The following KDM4B variants were observed in gnomAD, a reference collection of about 807,000 sequenced individuals.
KDM4B encodes the protein lysine-specific demethylase 4B.
Under a neutral mutation model 125.2 loss-of-function variants are expected in KDM4B, and 32 were observed. The observed-to-expected ratio is 0.26, with a 90% CI of 0.19 to 0.34. KDM4B has a LOEUF of 0.34. KDM4B is among the 10% of genes least tolerant of loss of function. The pLI is 1.00. For missense variants in KDM4B, 1,190 were observed against 1,577.7 expected (o/e 0.75, Z 4.16); for synonymous variants, 721 against 677.9 (o/e 1.06, Z -0.99).
At chr19:4,986,289 G>A (rs565568490) in intron 1 of KDM4B, among the ~76,000 whole-genome samples, 245 of 152,350 alleles carry the variant, frequency 1.6e-3, no homozygotes, top group Middle Eastern at 6.8e-3. Context: ...CGTGGGACCC[G>A]AGCTCGTGAA....
chr19:5,132,070 G>T (rs538401622), intron 13 of KDM4B, 63 bp downstream of exon 13: 228 of 1,487,258 alleles, frequency 1.5e-4, no homozygotes, highest in Non-Finnish European at 1.6e-4. Flanking sequence ...TGCTGCTGGA[G>T]GGGGGGCCTG....
At chr19:5,119,546 G>A (rs2039321336) in intron 10 of KDM4B, 107 bp from the exon 11 acceptor site, 5 of 1,095,154 alleles carry the variant, frequency 4.6e-6, no homozygotes, top group East Asian at 2.6e-5. Context: ...CTCATGGAGC[G>A]CTCTTCTGGG....
At chr19:5,092,521 C>T (rs1325482485) in intron 9 of KDM4B, among the ~76,000 whole-genome samples, 6 of 152,224 alleles carry the variant, frequency 3.9e-5, no homozygotes, top group South Asian at 2.1e-4. Flanking sequence ...AGAGGAGGGT[C>T]GGGGGCTTTT....
chr19:5,109,850 G>C (rs1432682274), intron 9 of KDM4B, among the ~76,000 whole-genome samples: 1 of 152,220 alleles, frequency 6.6e-6, no homozygotes, highest in Non-Finnish European at 1.5e-5. Context: ...GCTCTTTGGG[G>C]ACTGCTGTTG....
At chr19:4,974,956 C>T (rs1210146999) in intron 1 of KDM4B, among the ~76,000 whole-genome samples, 1 of 152,076 alleles carries the variant, frequency 6.6e-6, no homozygotes, top group African/African-American at 2.4e-5. Flanking sequence ...CCTGGCACAG[C>T]CGCCTTCCCT....
At chr19:5,149,453 T>A (rs2039908926) in intron 21 of KDM4B, among the ~76,000 whole-genome samples, 1 of 152,216 alleles carries the variant, frequency 6.6e-6, no homozygotes, top group South Asian at 2.1e-4. Flanking sequence ...CACAGGCACA[T>A]GCCACCATGC....
intron 6 of KDM4B, among the ~76,000 whole-genome samples, chr19:5,064,104 C>A (rs1024083213): frequency 6.6e-6 from 1 of 152,154 alleles, no homozygotes; most frequent in Non-Finnish European, 1.5e-5. Flanking sequence ...GGCTTTGTTG[C>A]GAGGGTGGCG....
intron 10 of KDM4B, among the ~76,000 whole-genome samples, chr19:5,111,153 C>T (rs1020507444): frequency 1.3e-5 from 2 of 152,260 alleles, no homozygotes; most frequent in Non-Finnish European, 2.9e-5. Flanking sequence ...GGCCCCGTGC[C>T]ATTGCCTCAG....
intron 2 of KDM4B, among the ~76,000 whole-genome samples, chr19:5,030,811 C>T (rs2036428661): frequency 6.6e-6 from 1 of 152,244 alleles, no homozygotes; most frequent in South Asian, 2.1e-4. Context: ...GGGCCAGGGA[C>T]CCGGGAAGTG....
chr19:5,026,798 C>T (rs1055960125), intron 2 of KDM4B, among the ~76,000 whole-genome samples: 1 of 152,186 alleles, frequency 6.6e-6, no homozygotes, highest in African/African-American at 2.4e-5. Flanking sequence ...TGGCATGGTA[C>T]CAAGAGAAAT....
chr19:5,147,089 T>C (rs2039865452), intron 21 of KDM4B, among the ~76,000 whole-genome samples: 1 of 151,424 alleles, frequency 6.6e-6, no homozygotes, highest in Non-Finnish European at 1.5e-5. Context: ...CAGGTCGGAC[T>C]GGACTCCGAG....
chr19:5,091,403 T>C (rs1298573111), intron 9 of KDM4B, among the ~76,000 whole-genome samples: 1 of 152,102 alleles, frequency 6.6e-6, no homozygotes, highest in Non-Finnish European at 1.5e-5. Context: ...CATCTCGGGC[T>C]CTCTGGAGGT....
At chr19:5,016,707 G>A (rs2035903005) in intron 2 of KDM4B, among the ~76,000 whole-genome samples, 2 of 152,204 alleles carry the variant, frequency 1.3e-5, no homozygotes, top group South Asian at 4.1e-4. Context: ...GAGCTCAAGG[G>A]GCGTTCCCCC....
At position 5,035,983 on chromosome 19, in the gene KDM4B, T is replaced by C. The variant is rs545874695; in HGVS notation, c.141+2952T>C. Reference sequence around the variant, plus strand: ...CTGCAGAGTCACGTTGGCACCCGCATGTGGCACACGCACACCCCCTTCTGC... The same window carrying C: ...CTGCAGAGTCACGTTGGCACCCGCACGTGGCACACGCACACCCCCTTCTGC... On this transcript the variant is annotated intron_variant, in intron 3 of 22. Coordinates refer to ENST00000159111, the MANE Select transcript of KDM4B (RefSeq NM_015015.3). This position sits in a 1 kb window ranked among gnomAD's most constrained non-coding sequence, Gnocchi z 5.3. Among the ~76,000 whole-genome samples, 5 of 152,114 alleles carry C rather than the reference T, an allele frequency of 3.3e-5. No homozygotes were observed. The highest frequency in any genetic ancestry group is 1.2e-4 in the African/African-American group (5 of 41,510).
chr19:5,143,582 G>A lies in KDM4B; in HGVS notation c.2551-385G>A, dbSNP rs756836330. Reference sequence around the variant, plus strand: ...CTGCACTCACCTCTGTGTCCCCAGGGCACATCTCTGTCGCCACGTGGTTCC... The same window carrying A: ...CTGCACTCACCTCTGTGTCCCCAGGACACATCTCTGTCGCCACGTGGTTCC... On this transcript the variant is annotated intron_variant, in intron 18 of 22. Coordinates refer to ENST00000159111, the MANE Select transcript of KDM4B (RefSeq NM_015015.3). 9.9e-5 allele frequency among the ~76,000 whole-genome samples: 15 copies of A among 152,202 alleles called. 1 individual carries two copies. The highest frequency in any genetic ancestry group is 3.4e-3 in the Middle Eastern group (1 of 294).
intron 1 of KDM4B, among the ~76,000 whole-genome samples, chr19:5,008,591 CTTT>C (rs550611814): frequency 5.2e-5 from 7 of 135,530 alleles, no homozygotes; most frequent in Non-Finnish European, 4.8e-5. Flanking sequence ...TTTTCTTTTT[CTTT>C]TTTTTTTTTT....
intron 1 of KDM4B, among the ~76,000 whole-genome samples, chr19:4,981,427 C>T (rs1056654150): frequency 6.6e-6 from 1 of 152,206 alleles, no homozygotes; most frequent in African/African-American, 2.4e-5. Context: ...GCGAATCCAG[C>T]CTGGGGTTGG....
chr19:5,040,722 T>C (rs2036787310), intron 4 of KDM4B, among the ~76,000 whole-genome samples: 1 of 92,356 alleles, frequency 1.1e-5, no homozygotes, highest in African/African-American at 5.4e-5. Context: ...TGTTGCTCTC[T>C]GAGGTTCACG....
chr19:5,035,050 A>T lies in KDM4B; in HGVS notation c.141+2019A>T, dbSNP rs1172915135. 2.6e-5 allele frequency among the ~76,000 whole-genome samples: 4 copies of T among 152,136 alleles called. No individual in the cohort carries two copies. Among genetic ancestry groups the T allele is most frequent in the Admixed American group, 2.0e-4 (3 of 15,278 alleles). On this transcript the variant is annotated intron_variant, in intron 3 of 22. Coordinates refer to ENST00000159111, the MANE Select transcript of KDM4B (RefSeq NM_015015.3). The surrounding 1 kb of genome is among the most constrained non-coding windows in gnomAD (Gnocchi z 5.3). ...GATGGCACATCTGTGTCCGGGTCAG[A>T]ACGGTGGGGGCTGCTGCCGTCCCGG...
Sources: gnomAD v4.1 joint callset for allele counts (sites outside exome capture counted in the v4.1 genomes callset) on GRCh38, gnomAD v4.1.1 for gene constraint, Gnocchi (gnomAD v3.1) non-coding constraint, MANE v1.5 for transcripts, NCBI Gene and HGNC (gene_info 2026-07-23, HGNC 2026-07-21) for gene names.